Variants in IL17F observed in about 807,000 individuals in gnomAD.
The protein encoded by IL17F is interleukin-17F.
IL17F carries 6 observed loss-of-function variants against 8.3 expected under a neutral mutation model. The ratio of observed to expected loss-of-function variants is 0.73; its 90% CI spans 0.40 to 1.43. The LOEUF (loss-of-function observed/expected upper bound fraction) is 1.43, where lower values mean the gene tolerates loss of function less well. Ranked by LOEUF, IL17F falls within the 40% of genes most tolerant of loss-of-function variation. IL17F has a pLI of 0.02. For synonymous variants in IL17F, 98 were observed against 81.6 expected, an observed-to-expected ratio of 1.20 and a Z score of -1.08; for missense variants, 204 against 209.6, an observed-to-expected ratio of 0.97 and a Z score of 0.17.
At chr6:52,239,018 T>A in intron 1 of IL17F, 68 bp from the exon 2 acceptor site, 1 of 1,372,468 alleles carries the variant, frequency 7.3e-7, no homozygotes, top group Non-Finnish European at 1.0e-6. Flanking sequence ...ATGCATGGTC[T>A]GGCGGAACTC....
chr6:52,238,896 CTGCCG>C lies in IL17F; in HGVS notation c.83_87del (p.Ala28GlyfsTer16), dbSNP rs1764018382. 1 of 1,613,994 alleles carries C rather than the reference CTGCCG, an allele frequency of 6.2e-7. No homozygotes were observed. Among genetic ancestry groups the C allele is most frequent in the Non-Finnish European group, 8.5e-7 (1 of 1,179,926 alleles). ...TGTCCTACTTTGGGGATTTTCCGAGCTGCCGCCTCACTCAGAAAGGCAAGCCCCAA... is the reference window on the plus strand; with the variant it reads ...TGTCCTACTTTGGGGATTTTCCGAGCCCTCACTCAGAAAGGCAAGCCCCAA... On this transcript the variant is annotated frameshift_variant, in exon 2 of 3. Coordinates refer to ENST00000336123, the MANE Select transcript of IL17F (RefSeq NM_052872.4). LOFTEE classifies it high-confidence loss of function.
At chr6:52,241,065 CGTTTGTTTGTTT>C (rs58639265) in intron 1 of IL17F, among the ~76,000 whole-genome samples, 2 of 149,890 alleles carry the variant, frequency 1.3e-5, no homozygotes, top group Non-Finnish European at 1.5e-5. Flanking sequence ...ACTGCTATGG[CGTTTGTTTGTTT>C]GTTTGTTTGT....
chr6:52,238,790 T>A lies in IL17F; in HGVS notation c.194A>T (p.Asn65Ile). Residue 65 changes from asparagine (N) to isoleucine (I), a missense_variant, in exon 2 of 3, where the codon AAC (asparagine) becomes ATC (isoleucine). Transcript: ENST00000336123. ...MKLDIGIINE[N>I]QRVSMSRNIE... The stretch of plus-strand genomic sequence containing the variant: ...GTTACGTGACATGGAAACGCGCTGG[T>A]TTTCATTGATGATGCCAATGTCAAG... The A allele has an allele frequency of 6.2e-7, 1 of 1,614,202 alleles. No individual in the cohort carries two copies. The highest frequency in any genetic ancestry group is 8.5e-7 in the Non-Finnish European group (1 of 1,180,026).
At chr6:52,244,312 C>T in intron 1 of IL17F, 85 bp downstream of exon 1, 4 of 1,289,266 alleles carry the variant, frequency 3.1e-6, no homozygotes, top group Non-Finnish European at 4.5e-6. Context: ...CAAAAAGACC[C>T]CAATCAAACC....
At chr6:52,240,520 T>G (rs1212679606) in intron 1 of IL17F, among the ~76,000 whole-genome samples, 4 of 151,206 alleles carry the variant, frequency 2.6e-5, no homozygotes, top group South Asian at 2.1e-4. Context: ...ACACCTTCCA[T>G]GAGTTAAGGT....
chr6:52,243,532 TC>T (rs1764106735), intron 1 of IL17F, among the ~76,000 whole-genome samples: 1 of 152,238 alleles, frequency 6.6e-6, no homozygotes, highest in Non-Finnish European at 1.5e-5. Context: ...CTCAGGGGAA[TC>T]ATTAAACCTC....
At chr6:52,244,337 T>A (rs1764124052) in intron 1 of IL17F, 60 bp downstream of exon 1, 27 of 1,513,366 alleles carry the variant, frequency 1.8e-5, no homozygotes, top group Non-Finnish European at 2.5e-5. Flanking sequence ...TCCTTAGGAT[T>A]CTGTTTTCTG....
chr6:52,239,438 C>T (rs1388527336), intron 1 of IL17F, among the ~76,000 whole-genome samples: 1 of 152,150 alleles, frequency 6.6e-6, no homozygotes, highest in African/African-American at 2.4e-5. Context: ...CCCACAAAAT[C>T]CTTCTTCGGA....
chr6:52,240,832 CCAGGG>C (rs1448764239), intron 1 of IL17F, among the ~76,000 whole-genome samples: 3 of 151,654 alleles, frequency 2.0e-5, no homozygotes, highest in African/African-American at 4.9e-5. Flanking sequence ...AGTCAGAAGT[CCAGGG>C]TCTGTAACTC....
intron 1 of IL17F, among the ~76,000 whole-genome samples, chr6:52,241,349 A>AT (rs1764071206): frequency 6.6e-6 from 1 of 152,128 alleles, no homozygotes; most frequent in African/African-American, 2.4e-5. Flanking sequence ...AAATGCTGGG[A>AT]TTACAGGCCT....
rs1345463950 is a variant in IL17F, at chr6:52,244,434, C to T, written c.-5G>A. ...ATGCAGGGTCTTCACTGTCATGTTGCGCTGGTGGCTTACTTTGTGCAGGAA... is the reference window on the plus strand; with the variant it reads ...ATGCAGGGTCTTCACTGTCATGTTGTGCTGGTGGCTTACTTTGTGCAGGAA... On this transcript the variant is annotated 5_prime_UTR_variant, in exon 1 of 3. Transcript: ENST00000336123. The T allele has an allele frequency of 4.6e-5, 74 of 1,613,780 alleles. No homozygotes were observed. The highest frequency in any genetic ancestry group is 1.0e-4 in the Admixed American group (6 of 59,986).
At chr6:52,239,064 T>A in intron 1 of IL17F, 114 bp from the exon 2 acceptor site, 4 of 919,168 alleles carry the variant, frequency 4.4e-6, no homozygotes, top group Non-Finnish European at 7.0e-6. Context: ...AGGGCTTCTC[T>A]TTGCACCTCA....
At chr6:52,241,756 G>A (rs1305394748) in intron 1 of IL17F, among the ~76,000 whole-genome samples, 1 of 152,226 alleles carries the variant, frequency 6.6e-6, no homozygotes, top group African/African-American at 2.4e-5. Context: ...TTCTGTCCCA[G>A]AGGGAATAAA....
chr6:52,238,379 G>A (rs916960906), intron 2 of IL17F, among the ~76,000 whole-genome samples: 2 of 152,146 alleles, frequency 1.3e-5, no homozygotes, highest in South Asian at 2.1e-4. Context: ...TCCTTAAACC[G>A]ACTTTTCTGT....
chr6:52,242,857 G>T (rs1476401802), intron 1 of IL17F, among the ~76,000 whole-genome samples: 1 of 150,134 alleles, frequency 6.7e-6, no homozygotes, highest in Non-Finnish European at 1.5e-5. Context: ...TTATTAGAAT[G>T]GCCAAATTAA....
rs544215020 is a variant in IL17F, at chr6:52,240,385, C to T, written c.34-1435G>A. The stretch of plus-strand genomic sequence containing the variant: ...CTAGGAGGTGGAGGTTGCAGTGAGC[C>T]GAAATTGCACCACTGCACTCCAGCC... On this transcript the variant is annotated intron_variant, in intron 1 of 2. Coordinates refer to ENST00000336123, the MANE Select transcript of IL17F (RefSeq NM_052872.4). 2.8e-5 allele frequency among the ~76,000 whole-genome samples: 4 copies of T among 142,796 alleles called. No homozygotes were observed. The East Asian group carries it at 6.1e-4, about 22-fold the overall frequency. 93.7% of individuals were successfully genotyped at this position (142,796 alleles called of 152,430 possible).
chr6:52,237,255 T>C (rs1003807840), intron 2 of IL17F, 87 bp from the exon 3 acceptor site: 1 of 1,011,566 alleles, frequency 9.9e-7, no homozygotes, highest in Non-Finnish European at 1.5e-6. Context: ...AGTGTTCACC[T>C]GCAGGGAGGC....
chr6:52,237,226 T>C, intron 2 of IL17F, 58 bp from the exon 3 acceptor site: 1 of 1,317,914 alleles, frequency 7.6e-7, no homozygotes, highest in Non-Finnish European at 1.1e-6. Context: ...AGACAGCGAA[T>C]GAGAGCCCCA....
chr6:52,240,603 C>A (rs979360070), intron 1 of IL17F, among the ~76,000 whole-genome samples: 1 of 151,842 alleles, frequency 6.6e-6, no homozygotes, highest in Non-Finnish European at 1.5e-5. Context: ...AGACAAAAAA[C>A]AATAAGAGTA....
Sources: allele counts gnomAD v4.1 joint callset (sites outside exome capture counted in the v4.1 genomes callset), GRCh38; gene constraint gnomAD v4.1.1; transcripts MANE v1.5; gene names NCBI Gene and HGNC (gene_info 2026-07-23, HGNC 2026-07-21).